CEP72: variants seen among roughly 807,000 people sequenced by gnomAD.
CEP72 encodes centrosomal protein of 72 kDa.
Under a neutral mutation model 65.7 loss-of-function variants are expected in CEP72, and 78 were observed. The observed-to-expected ratio is 1.19, with a 90% confidence interval of 0.99 to 1.43. The LOEUF is 1.43. Among genes scored for constraint, CEP72 ranks in the 40% most tolerant of loss-of-function variants. CEP72 has a pLI of 0.00. For synonymous variants in CEP72, 358 were observed against 351.7 expected (o/e 1.02, Z -0.20); for missense variants, 914 against 832.9 (o/e 1.10, Z -1.20).
rs757627585 is a variant in CEP72, at chr5:620,115, A to G, written c.257A>G (p.Asn86Ser). The G allele has an allele frequency of 3.1e-6, 5 of 1,613,980 alleles. No individual in the cohort carries two copies. The highest frequency in any genetic ancestry group is 1.3e-5 in the African/African-American group (1 of 74,890). ...TTGGAGAGTCTCAATCTCTACTACA[A>G]CTGCATCTCCTCGTTGGCAGAAGTG... ...TALESLNLYY[N>S]CISSLAEVFR... Residue 86 changes from asparagine (N) to serine (S), a missense_variant, in exon 3 of 12, where the codon AAC (asparagine) becomes AGC (serine). Transcript: ENST00000264935.
At chr5:640,891 G>A in intron 9 of CEP72, 1 of 985,458 alleles carries the variant, frequency 1.0e-6, no homozygotes. Context: ...CAGGAGCCAG[G>A]CCTGGACGTG....
chr5:634,731 CCTA>C (rs1737473243), intron 5 of CEP72, among the ~76,000 whole-genome samples: 1 of 152,148 alleles, frequency 6.6e-6, no homozygotes, highest in Middle Eastern at 3.2e-3. Context: ...AGTATTGAGT[CCTA>C]AGAGATCTTG....
chr5:658,915 G>A (rs919461851), downstream of CEP72, among the ~76,000 whole-genome samples: 8 of 152,164 alleles, frequency 5.3e-5, no homozygotes, highest in East Asian at 7.7e-4. Flanking sequence ...TGATCTGCCC[G>A]CCTCGGCCTC....
chr5:641,699 G>A lies in CEP72; in HGVS notation c.1539+1095G>A, dbSNP rs182715641. The A allele has an allele frequency of 3.3e-5, 32 of 980,136 alleles. No individual in the cohort carries two copies. The Admixed American group carries it at 3.9e-4, about 12-fold the overall frequency. The allele number at this position is 980,136 out of a possible 1,614,324, so 60.7% of individuals were successfully genotyped here. A position where few individuals can be genotyped will look rare whatever the true frequency, so the allele number is the denominator to read the frequency against. On this transcript the variant is annotated intron_variant, in intron 9 of 11. Transcript: ENST00000264935. Reference sequence around the variant, plus strand: ...AAACACACGTGGGTCCCCATCCCCCGTCCAGAAGTCTCTGCATTTAAACAC... The same window carrying A: ...AAACACACGTGGGTCCCCATCCCCCATCCAGAAGTCTCTGCATTTAAACAC...
At chr5:618,934 T>G in intron 1 of CEP72, 56 bp from the exon 2 acceptor site, 3 of 1,409,004 alleles carry the variant, frequency 2.1e-6, no homozygotes, top group Non-Finnish European at 3.0e-6. Context: ...ACTTGACCGT[T>G]ATTATAATTG....
At chr5:633,585 C>G (rs188463301) in intron 4 of CEP72, among the ~76,000 whole-genome samples, 184 bp from the exon 5 acceptor site, 27 of 152,320 alleles carry the variant, frequency 1.8e-4, no homozygotes, top group African/African-American at 6.3e-4. Flanking sequence ...TGTTGCTCAC[C>G]GATTGTCCTT....
chr5:662,802 CTT>C, intron 1 of CEP72: 1 of 152,514 alleles, frequency 6.6e-6, no homozygotes, highest in East Asian at 1.9e-4. Flanking sequence ...CGTCCTCGGC[CTT>C]TTCAACACAA....
At chr5:648,037 C>CGATGATATCCAGGACCACTGCT in intron 11 of CEP72, 121 bp downstream of exon 11, 1 of 633,604 alleles carries the variant, frequency 1.6e-6, no homozygotes, top group Non-Finnish European at 2.8e-6. Context: ...GAGTCTTGGC[C>CGATGATATCCAGGACCACTGCT]GATGATATCC....
downstream of CEP72, among the ~76,000 whole-genome samples, chr5:669,063 C>A (rs1055459011): frequency 6.6e-6 from 1 of 152,242 alleles, no homozygotes; most frequent in Non-Finnish European, 1.5e-5. Flanking sequence ...CGCTGAGAAA[C>A]ACACCAAGTG....
At chr5:649,226 G>C (rs1738721952) in intron 11 of CEP72, among the ~76,000 whole-genome samples, 1 of 73,788 alleles carries the variant, frequency 1.4e-5, no homozygotes, top group African/African-American at 6.8e-5. Flanking sequence ...TGTGAGGTGT[G>C]ACTGTGAGGT....
intron 9 of CEP72, chr5:642,616 T>A: frequency 1.0e-6 from 1 of 985,482 alleles, no homozygotes; most frequent in Middle Eastern, 5.2e-4. Context: ...GGACGCCTGC[T>A]TTTTTGCCCT....
chr5:651,704 C>T (rs575363220), intron 11 of CEP72, among the ~76,000 whole-genome samples: 12 of 152,004 alleles, frequency 7.9e-5, no homozygotes, highest in Non-Finnish European at 1.6e-4. Flanking sequence ...AAGAGGCGAG[C>T]TGCTGGAGGA....
chr5:657,319 T>TAG (rs1047596057), downstream of CEP72, among the ~76,000 whole-genome samples: 1 of 152,170 alleles, frequency 6.6e-6, no homozygotes, highest in African/African-American at 2.4e-5. Context: ...GAGCACTGGG[T>TAG]AGCTGCGTGC....
At chr5:669,514 A>G (rs569092347), downstream of CEP72, among the ~76,000 whole-genome samples, 88 of 152,220 alleles carry the variant, frequency 5.8e-4, no homozygotes, top group Admixed American at 1.4e-3. Context: ...TGGGCCGTCA[A>G]AGGCTCTCCT....
At chr5:665,971 G>C (rs142128231) in exon 4 of CEP72, 1 of 1,098,870 alleles carries the variant, frequency 9.1e-7, no homozygotes, top group South Asian at 1.6e-5. Flanking sequence ...CCTGCTCACC[G>C]TCACCCCTGA....
chr5:633,649 C>A, intron 4 of CEP72, 120 bp from the exon 5 acceptor site: 1 of 935,082 alleles, frequency 1.1e-6, no homozygotes, highest in South Asian at 1.5e-5. Context: ...CCGGCTGCCC[C>A]ACGTTTGCAG....
chr5:644,502 C>T (rs543098105), intron 10 of CEP72, 77 bp downstream of exon 10: 3 of 1,508,182 alleles, frequency 2.0e-6, no homozygotes, highest in African/African-American at 2.7e-5. Flanking sequence ...GTTTTAAATT[C>T]TTCACTGAGG....
At chr5:661,362 G>A, downstream of CEP72, 1 of 95,512 alleles carries the variant, frequency 1.0e-5, no homozygotes, top group South Asian at 3.0e-4. Context: ...ACCCATGATA[G>A]AACCTGTCCC....
chr5:652,328 G>T (rs947971943), intron 11 of CEP72, among the ~76,000 whole-genome samples: 1 of 152,204 alleles, frequency 6.6e-6, no homozygotes, highest in African/African-American at 2.4e-5. Flanking sequence ...CAGGGCCTGG[G>T]CCTGCACAGT....
Sources: allele counts gnomAD v4.1 joint callset (sites outside exome capture counted in the v4.1 genomes callset), GRCh38; gene constraint gnomAD v4.1.1; transcripts MANE v1.5; gene names NCBI Gene and HGNC (gene_info 2026-07-23, HGNC 2026-07-21).